The following SORL1 variants were observed in gnomAD, a reference collection of about 807,000 sequenced individuals.
The protein encoded by SORL1 is sortilin-related receptor.
A neutral mutation model predicts 273.7 loss-of-function variants in SORL1; 127 were observed. The observed-to-expected ratio is 0.46, with a 90% CI of 0.40 to 0.54. SORL1 has a LOEUF of 0.54. SORL1 is among the 20% of genes least tolerant of loss of function. The pLI is 0.00. For synonymous variants in SORL1, 1,031 were observed against 1,067.4 expected (o/e 0.97, Z 0.66); for missense variants, 2,494 against 2,846.1 (o/e 0.88, Z 2.81).
chr11:121,541,321 C>G (rs966209609), intron 12 of SORL1, among the ~76,000 whole-genome samples: 1 of 152,090 alleles, frequency 6.6e-6, no homozygotes, highest in South Asian at 2.1e-4. Context: ...CACACCTCAG[C>G]CTCCAGAGAA....
In SORL1 at chr11:121,558,734, C is replaced by T. The variant is rs756455542; in HGVS notation, c.2807C>T (p.Thr936Met). ...GTGGACGACCAGTGGATTTACTGGA[C>T]GGATGCCTACCTGGAGTGCATAGAG... is the stretch of plus-strand genomic sequence containing the variant. ...ISVDDQWIYWTDAYLECIERI... is the reference protein window; with the variant it reads ...ISVDDQWIYWMDAYLECIERI... The change falls in exon 20 of 48, where the codon ACG becomes ATG. Residue 936 changes from threonine (T) to methionine (M), a missense_variant. By Grantham distance (81) the Thr-to-Met change is moderately conservative (BLOSUM62 -1). Around this residue, in one of 3 missense-constraint regions of SORL1, gnomAD observed 1,609 missense variants for 1,816.4 expected, o/e 0.89. Transcript: ENST00000260197. 5 of 1,614,110 alleles carry T rather than the reference C, an allele frequency of 3.1e-6. No homozygotes were observed. The highest frequency in any genetic ancestry group is 4.2e-6 in the Non-Finnish European group (5 of 1,180,002).
rs1481297416 is a variant in SORL1 at position 121,632,680 on chromosome 11, G to C, written c.*3117G>C. ...TCAGGGGAAGCTTGGGAGAGCAATA[G>C]TATGGTGAGCCCCTTAGAGATGAGC... is the stretch of plus-strand genomic sequence containing the variant. On this transcript the variant is annotated 3_prime_UTR_variant, in exon 48 of 48. Transcript: ENST00000260197. The C allele has an allele frequency of 6.6e-6, 1 of 151,868 alleles. No homozygotes were observed. The highest frequency in any genetic ancestry group is 1.5e-5 in the Non-Finnish European group (1 of 68,044). 9.4% of individuals were successfully genotyped at this position (151,868 alleles called of 1,614,324 possible). A position where few individuals can be genotyped will look rare whatever the true frequency, so the allele number is the denominator to read the frequency against.
intron 41 of SORL1, among the ~76,000 whole-genome samples, chr11:121,617,367 G>A (rs1268468244): frequency 3.3e-5 from 5 of 152,202 alleles, no homozygotes; most frequent in Non-Finnish European, 7.3e-5. Context: ...GTCTCATAAT[G>A]TTATGCCAGA....
rs570842030 is a variant in SORL1 at position 121,596,622 on chromosome 11, C to T, written c.4519+850C>T. Among the ~76,000 whole-genome samples, 9 of 152,302 alleles carry T rather than the reference C, an allele frequency of 5.9e-5. No individual in the cohort carries two copies. The highest frequency in any genetic ancestry group is 1.7e-4 in the African/African-American group (7 of 41,564). On this transcript the variant is annotated intron_variant, in intron 32 of 47. Transcript: ENST00000260197. The surrounding 1 kb of genome is among the most constrained non-coding windows in gnomAD (Gnocchi z 4.3). ...GCGGGCCTCCCCTCCATCCAGTCTC[C>T]TGCTGGCTGCAGACAGCAGACGTCC...
chr11:121,474,840 A>G (rs1445783681), intron 2 of SORL1, among the ~76,000 whole-genome samples: 2 of 152,270 alleles, frequency 1.3e-5, no homozygotes, highest in Non-Finnish European at 2.9e-5. Context: ...CGCTTGAGCT[A>G]ACTGCACACT....
chr11:121,625,073 G>A lies in SORL1; in HGVS notation c.6172-12G>A, dbSNP rs1193690384. On this transcript the variant is annotated splice_polypyrimidine_tract_variant and intron_variant, in intron 45 of 47. Transcript: ENST00000260197. ...TTCGACTTCCTGAGCAATCTCTTGT[G>A]TTTGTTTTCAGGGCTATGAGATACA... The A allele has an allele frequency of 6.3e-7, 1 of 1,594,502 alleles. No homozygotes were observed. The highest frequency in any genetic ancestry group is 2.2e-5 in the East Asian group (1 of 44,550).
intron 11 of SORL1, among the ~76,000 whole-genome samples, chr11:121,531,006 A>G (rs1251806565): frequency 1.3e-5 from 2 of 152,198 alleles, no homozygotes; most frequent in African/African-American, 4.8e-5. Flanking sequence ...GTTTCTTTTT[A>G]AAAATTGTTT....
At chr11:121,476,807 C>T (rs1422794320) in intron 2 of SORL1, among the ~76,000 whole-genome samples, 1 of 146,042 alleles carries the variant, frequency 6.8e-6, no homozygotes, top group Non-Finnish European at 1.5e-5. Flanking sequence ...TTCCTCCCTC[C>T]CTTCCTTCCT....
intron 45 of SORL1, among the ~76,000 whole-genome samples, chr11:121,624,599 A>C (rs996727556): frequency 1.3e-5 from 2 of 152,210 alleles, no homozygotes; most frequent in African/African-American, 2.4e-5. Flanking sequence ...GTGAGCCGAC[A>C]AGGTCATTCC....
intron 11 of SORL1, among the ~76,000 whole-genome samples, chr11:121,527,957 T>C (rs1337346362): frequency 9.9e-5 from 15 of 152,130 alleles, no homozygotes; most frequent in Admixed American, 9.8e-4. Context: ...GTTTTGTTGC[T>C]TTTTTTCTTT....
At chr11:121,488,882 GT>G (rs1231656408) in intron 4 of SORL1, among the ~76,000 whole-genome samples, 1 of 152,162 alleles carries the variant, frequency 6.6e-6, no homozygotes, top group African/African-American at 2.4e-5. Flanking sequence ...ACCTTGGAAC[GT>G]TTTTTTGCAG....
At chr11:121,463,337 A>G (rs57177641) in intron 1 of SORL1, among the ~76,000 whole-genome samples, 3 of 151,718 alleles carry the variant, frequency 2.0e-5, no homozygotes, top group African/African-American at 7.3e-5. Context: ...GTTTCTTTTT[A>G]GTAGGGAGCC....
intron 40 of SORL1, 73 bp from the exon 41 acceptor site, chr11:121,614,798 T>C: frequency 8.3e-7 from 1 of 1,205,598 alleles, no homozygotes; most frequent in Middle Eastern, 1.9e-4. Flanking sequence ...TTTAAAAAAG[T>C]GCATGTACCA....
At chr11:121,619,643 G>A (rs1863692748) in intron 42 of SORL1, 110 bp from the exon 43 acceptor site, 1 of 909,796 alleles carries the variant, frequency 1.1e-6, no homozygotes, top group Non-Finnish European at 1.7e-6. Context: ...ATGGTTTTTT[G>A]TACTAACTGA....
rs952790799 is a variant in SORL1 at position 121,632,691 on chromosome 11, C to T, written c.*3128C>T. 3 of 151,776 alleles carry T rather than the reference C, an allele frequency of 2.0e-5. No individual in the cohort carries two copies. Among genetic ancestry groups the T allele is most frequent in the African/African-American group, 7.3e-5 (3 of 41,236 alleles). The allele number at this position is 151,776 out of a possible 1,614,324, so 9.4% of individuals were successfully genotyped here. A position where few individuals can be genotyped will look rare whatever the true frequency, so the allele number is the denominator to read the frequency against. On this transcript the variant is annotated 3_prime_UTR_variant, in exon 48 of 48. Transcript: ENST00000260197. ...TTGGGAGAGCAATAGTATGGTGAGCCCCTTAGAGATGAGCGCCTACTCCTT... is the reference window on the plus strand; with the variant it reads ...TTGGGAGAGCAATAGTATGGTGAGCTCCTTAGAGATGAGCGCCTACTCCTT...
chr11:121,501,391 T>A (rs1861705975), intron 6 of SORL1, among the ~76,000 whole-genome samples: 1 of 152,242 alleles, frequency 6.6e-6, no homozygotes, highest in African/African-American at 2.4e-5. Context: ...TCCTCCCTGA[T>A]GCTGGTAACC....
chr11:121,544,093 GAC>G (rs1323206054), intron 13 of SORL1, among the ~76,000 whole-genome samples: 1 of 152,056 alleles, frequency 6.6e-6, no homozygotes, highest in Admixed American at 6.5e-5. Context: ...TGTGCCAAGC[GAC>G]ACAGGGTCCT....
intron 6 of SORL1, among the ~76,000 whole-genome samples, chr11:121,509,931 C>T (rs1037528951): frequency 3.9e-5 from 6 of 152,138 alleles, no homozygotes; most frequent in Non-Finnish European, 7.3e-5. Flanking sequence ...GTTGGTACAA[C>T]CTTTCAGGAG....
chr11:121,523,569 C>T (rs1453601788), intron 11 of SORL1, among the ~76,000 whole-genome samples: 1 of 151,750 alleles, frequency 6.6e-6, no homozygotes, highest in Non-Finnish European at 1.5e-5. Flanking sequence ...TTCCAAAATG[C>T]TAATTCATCT....
Sources: gnomAD v4.1 joint callset for allele counts (sites outside exome capture counted in the v4.1 genomes callset) on GRCh38, gnomAD v4.1.1 for gene constraint, gnomAD v4.1.1 regional missense constraint, Gnocchi (gnomAD v3.1) non-coding constraint, MANE v1.5 for transcripts, NCBI Gene and HGNC (gene_info 2026-07-23, HGNC 2026-07-21) for gene names.